Variants in MTTP observed in about 807,000 individuals in gnomAD.
MTTP encodes the protein microsomal triglyceride transfer protein.
Under a neutral mutation model 90.6 loss-of-function variants are expected in MTTP, and 49 were observed. That is an observed-to-expected ratio of 0.54 (90% confidence interval 0.43 to 0.69). The LOEUF is 0.69. Ranked by LOEUF, MTTP falls within the 30% of genes least tolerant of loss-of-function variation. The pLI, the probability that MTTP is intolerant of heterozygous loss-of-function variation, is 0.00. For missense variants in MTTP, 945 were observed against 1,067.5 expected, an observed-to-expected ratio of 0.89 and a Z score of 1.60; for synonymous variants, 347 against 384.2, an observed-to-expected ratio of 0.90 and a Z score of 1.13.
chr4:99,566,331 A>G (rs1724701882), intron 1 of MTTP, among the ~76,000 whole-genome samples: 1 of 151,820 alleles, frequency 6.6e-6, no homozygotes, highest in Non-Finnish European at 1.5e-5. Context: ...TAGGTTTTGA[A>G]AAAATAGTTT....
chr4:99,589,629 C>T lies in MTTP; in HGVS notation c.394-14C>T. 6.8e-7 allele frequency: 1 copy of T among 1,478,210 alleles called. No homozygotes were observed. Among genetic ancestry groups the T allele is most frequent in the East Asian group, 2.3e-5 (1 of 44,048 alleles). The allele number at this position is 1,478,210 out of a possible 1,614,324, so 91.6% of individuals were successfully genotyped here. Reference sequence around the variant, plus strand: ...TTTTGCTTCATTTGTGTTCTGTTCCCCTCTCCCCACCAGGTCAAAGAGTTC... The same window carrying T: ...TTTTGCTTCATTTGTGTTCTGTTCCTCTCTCCCCACCAGGTCAAAGAGTTC... On this transcript the variant is annotated splice_polypyrimidine_tract_variant and intron_variant, in intron 3 of 17. Coordinates refer to ENST00000265517, the MANE Select transcript of MTTP (RefSeq NM_001386140.1).
At chr4:99,582,858 G>C (rs1725153602) in intron 2 of MTTP, among the ~76,000 whole-genome samples, 1 of 152,114 alleles carries the variant, frequency 6.6e-6, no homozygotes, top group African/African-American at 2.4e-5. Context: ...GTCTCTAATT[G>C]CTCTTGTGTT....
At chr4:99,598,729 T>C (rs1053320028) in intron 8 of MTTP, among the ~76,000 whole-genome samples, 3 of 136,162 alleles carry the variant, frequency 2.2e-5, no homozygotes, top group Non-Finnish European at 3.1e-5. Flanking sequence ...AATGGCGCAA[T>C]CTTGGCTCAC....
At chr4:99,608,088 A>G (rs1725862568) in intron 11 of MTTP, among the ~76,000 whole-genome samples, 1 of 152,174 alleles carries the variant, frequency 6.6e-6, no homozygotes, top group South Asian at 2.1e-4. Context: ...ATTCTATATT[A>G]GTTAGGTAAC....
At chr4:99,613,285 G>T (rs1726008932) in intron 15 of MTTP, 145 bp downstream of exon 15, 1 of 713,516 alleles carries the variant, frequency 1.4e-6, no homozygotes, top group East Asian at 2.7e-5. Context: ...CTTGGTATTG[G>T]TCCCCTTTCT....
Position 99,582,072 on chromosome 4 carries a change from G to A in MTTP, c.229G>A (p.Asp77Asn), listed in dbSNP as rs1725134237. The change falls in exon 2 of 18, where the codon GAC becomes AAC. Residue 77 changes from aspartate (D) to asparagine (N), a missense_variant. Coordinates refer to ENST00000265517, the MANE Select transcript of MTTP (RefSeq NM_001386140.1). ...ATGGAGGAATCCTGATGGTGATGAT[G>A]ACCAGTTGATCCAAATAACGGTGGG... The part of the protein sequence containing the change: ...LLWRNPDGDD[D>N]QLIQITMKDV... 1 of 1,614,012 alleles carries A rather than the reference G, an allele frequency of 6.2e-7. No individual in the cohort carries two copies. Among genetic ancestry groups the A allele is most frequent in the Non-Finnish European group, 8.5e-7 (1 of 1,180,002 alleles).
At chr4:99,579,705 GA>G (rs1184534083) in intron 1 of MTTP, among the ~76,000 whole-genome samples, 1 of 152,034 alleles carries the variant, frequency 6.6e-6, no homozygotes, top group Non-Finnish European at 1.5e-5. Context: ...ACAAAGGGTA[GA>G]AAATTTACAA....
intron 16 of MTTP, among the ~76,000 whole-genome samples, chr4:99,620,402 C>A (rs1560627778): frequency 6.6e-6 from 1 of 152,206 alleles, no homozygotes; most frequent in Non-Finnish European, 1.5e-5. Flanking sequence ...TCCTCTTCAT[C>A]ATTATCCAGG....
intron 17 of MTTP, 34 bp downstream of exon 17, chr4:99,621,265 C>T: frequency 6.2e-7 from 1 of 1,608,680 alleles, no homozygotes. Flanking sequence ...GTTCCAGGAC[C>T]ATCCCCAGTG....
intron 15 of MTTP, among the ~76,000 whole-genome samples, chr4:99,615,908 A>G (rs538405471): frequency 1.3e-5 from 2 of 152,322 alleles, no homozygotes; most frequent in South Asian, 4.1e-4. Context: ...ACAAAGTTCT[A>G]ATAACTTTTT....
chr4:99,621,062 G>T lies in MTTP; in HGVS notation c.2344G>T (p.Val782Leu). The change falls in exon 17 of 18, where the codon GTG (valine) becomes TTG (leucine). Residue 782 changes from valine (V) to leucine (L), a missense_variant and splice_region_variant. Coordinates refer to ENST00000265517, the MANE Select transcript of MTTP (RefSeq NM_001386140.1). ...RESKTRVKNRVTVVITTDITV... is the reference protein window; with the variant it reads ...RESKTRVKNRLTVVITTDITV... ...TTTCTTTTTTTCTCAAATGTTTAGGGTGACTGTGGTAATAACCACTGACAT... is the reference window on the plus strand; with the variant it reads ...TTTCTTTTTTTCTCAAATGTTTAGGTTGACTGTGGTAATAACCACTGACAT... The T allele has an allele frequency of 6.2e-7, 1 of 1,613,876 alleles. No homozygotes were observed. The highest frequency in any genetic ancestry group is 8.5e-7 in the Non-Finnish European group (1 of 1,179,884).
At chr4:99,566,824 A>C (rs957821359) in intron 1 of MTTP, among the ~76,000 whole-genome samples, 1 of 152,220 alleles carries the variant, frequency 6.6e-6, no homozygotes, top group Non-Finnish European at 1.5e-5. Flanking sequence ...AGGACATAAA[A>C]ATACAGTAAT....
intron 1 of MTTP, among the ~76,000 whole-genome samples, chr4:99,579,451 A>G (rs1481930527): frequency 6.6e-6 from 1 of 152,062 alleles, no homozygotes; most frequent in Non-Finnish European, 1.5e-5. Flanking sequence ...TGTGAGGGGA[A>G]GGGGTAGAAA....
At chr4:99,566,236 G>A (rs1174068291) in intron 1 of MTTP, among the ~76,000 whole-genome samples, 1 of 147,590 alleles carries the variant, frequency 6.8e-6, no homozygotes, top group African/African-American at 2.5e-5. Flanking sequence ...TTGCGGTGAG[G>A]CGAGATCCTG....
rs375221785 is a variant in MTTP at position 99,591,629 on chromosome 4, A to G, written c.619-22A>G. On this transcript the variant is annotated intron_variant, in intron 5 of 17. Coordinates refer to ENST00000265517, the MANE Select transcript of MTTP (RefSeq NM_001386140.1). ...TTTAAACGATGATTACTTGTTATAA[A>G]GATGGCTATTTATTTATTTAGGTCT... 6.8e-6 allele frequency: 11 copies of G among 1,606,372 alleles called. No homozygotes were observed. In the African/African-American group the frequency reaches 1.3e-4, roughly 20 times the overall value.
chr4:99,594,390 C>A (rs1044353533), intron 6 of MTTP, among the ~76,000 whole-genome samples: 1 of 152,122 alleles, frequency 6.6e-6, no homozygotes, highest in Non-Finnish European at 1.5e-5. Flanking sequence ...ATAAGTAACA[C>A]GTGGTTGTAT....
intron 15 of MTTP, among the ~76,000 whole-genome samples, chr4:99,616,131 C>T (rs139140391): frequency 0.014 from 2,192 of 152,244 alleles, 55 homozygotes; most frequent in African/African-American, 0.047. Context: ...CAGTGGCTCA[C>T]GCCTGTAATC....
At chr4:99,591,851 T>C in intron 6 of MTTP, 61 bp downstream of exon 6, 2 of 1,410,104 alleles carry the variant, frequency 1.4e-6, no homozygotes, top group Non-Finnish European at 2.0e-6. Context: ...TTATACTTGA[T>C]TTGTAAATAG....
rs751249867 is a variant in MTTP at position 99,597,178 on chromosome 4, A to AAAG, written c.1026_1028dup (p.Glu343dup). 3.1e-6 allele frequency: 5 copies of AAAG among 1,613,912 alleles called. No individual in the cohort carries two copies. Among genetic ancestry groups the AAAG allele is most frequent in the Non-Finnish European group, 4.2e-6 (5 of 1,179,916 alleles). Reference sequence around the variant, plus strand: ...CATTCAGCACCTCAGGACTGCGAAGAAAGAAGAGATCCTTCAAATACTAAA... The same window carrying AAAG: ...CATTCAGCACCTCAGGACTGCGAAGAAAGAAGAAGAGATCCTTCAAATACTAAA... On this transcript the variant is annotated inframe_insertion, in exon 8 of 18. Coordinates refer to ENST00000265517, the MANE Select transcript of MTTP (RefSeq NM_001386140.1).
Sources: gnomAD v4.1 joint callset for allele counts (sites outside exome capture counted in the v4.1 genomes callset) on GRCh38, gnomAD v4.1.1 for gene constraint, MANE v1.5 for transcripts, NCBI Gene and HGNC (gene_info 2026-07-23, HGNC 2026-07-21) for gene names.